TNS3: variants seen among roughly 807,000 people sequenced by gnomAD.
TNS3 encodes tensin 3.
A neutral mutation model predicts 140.9 loss-of-function variants in TNS3; 45 were observed. That is an observed-to-expected ratio of 0.32 (90% CI 0.25 to 0.41). The LOEUF is 0.41. Among genes scored for constraint, TNS3 ranks in the 10% least tolerant of loss-of-function variants. TNS3 has a pLI of 1.00. For synonymous variants in TNS3, 815 were observed against 788.4 expected, an observed-to-expected ratio of 1.03 and a Z score of -0.56; for missense variants, 1,716 against 1,906.7, an observed-to-expected ratio of 0.90 and a Z score of 1.86.
intron 1 of TNS3, chr7:47,579,982 T>C (rs1784489117): frequency 1.5e-5 from 4 of 265,462 alleles, no homozygotes; most frequent in Non-Finnish European, 2.3e-5. Flanking sequence ...TTCAAAACAT[T>C]AGGTGCCAAA....
At chr7:47,488,065 T>C (rs1797676703) in intron 3 of TNS3, among the ~76,000 whole-genome samples, 1 of 152,036 alleles carries the variant, frequency 6.6e-6, no homozygotes, top group Non-Finnish European at 1.5e-5. Flanking sequence ...GCAAGGAGGG[T>C]GGAGCTTTTA....
rs191968848 is a variant in TNS3 at position 47,366,321 on chromosome 7, G to A, written c.2281+2044C>T. On this transcript the variant is annotated intron_variant, in intron 17 of 30. Coordinates refer to ENST00000311160, the MANE Select transcript of TNS3 (RefSeq NM_022748.12). ...AATCTACTCATGGGGGACTCTCCAGGCTCCTTCCAACTCCCAGCACATGAC... is the reference window on the plus strand; with the variant it reads ...AATCTACTCATGGGGGACTCTCCAGACTCCTTCCAACTCCCAGCACATGAC... 1.7e-3 allele frequency among the ~76,000 whole-genome samples: 257 copies of A among 152,246 alleles called. 1 individual carries two copies. Among genetic ancestry groups the A allele is most frequent in the African/African-American group, 5.9e-3 (247 of 41,546 alleles).
intron 4 of TNS3, among the ~76,000 whole-genome samples, chr7:47,470,239 T>C (rs1178218430): frequency 6.6e-5 from 10 of 152,184 alleles, no homozygotes; most frequent in South Asian, 2.1e-4. Context: ...GGGACGTGAA[T>C]TGAAAAACCA....
chr7:47,460,388 G>C (rs374696129), intron 4 of TNS3, among the ~76,000 whole-genome samples: 10 of 152,308 alleles, frequency 6.6e-5, no homozygotes, highest in African/African-American at 2.4e-4. Context: ...CCAGGACTGA[G>C]GGTGATAACC....
chr7:47,368,684 A>C lies in TNS3; in HGVS notation c.1962T>G (p.Pro654=), dbSNP rs893050306. 2 of 1,594,622 alleles carry C rather than the reference A, an allele frequency of 1.3e-6. No homozygotes were observed. The highest frequency in any genetic ancestry group is 1.7e-5 in the Admixed American group (1 of 58,442). The part of the protein sequence containing the change: ...QRGVGSGPHP[P]DTQQPSPSKA... Reference sequence around the variant, plus strand: ...TGCTGGGAGAGGGCTGCTGTGTGTCAGGGGGATGTGGCCCACTGCCTACAC... The same window carrying C: ...TGCTGGGAGAGGGCTGCTGTGTGTCCGGGGGATGTGGCCCACTGCCTACAC... Residue 654 remains proline, a synonymous_variant, in exon 17 of 31, where the codon CCT becomes CCG. Coordinates refer to ENST00000311160, the MANE Select transcript of TNS3 (RefSeq NM_022748.12).
At chr7:47,524,658 C>T (rs1320308716) in intron 2 of TNS3, among the ~76,000 whole-genome samples, 1 of 149,032 alleles carries the variant, frequency 6.7e-6, no homozygotes, top group Non-Finnish European at 1.5e-5. Flanking sequence ...AAAAATTAGC[C>T]GGGCGCGGTG....
intron 20 of TNS3, among the ~76,000 whole-genome samples, chr7:47,320,824 G>C (rs547497302): frequency 6.6e-6 from 1 of 152,314 alleles, no homozygotes; most frequent in African/African-American, 2.4e-5. Flanking sequence ...GTGTGGTTTG[G>C]GGAGATGCAG....
At chr7:47,491,318 T>G (rs1797807238) in intron 3 of TNS3, among the ~76,000 whole-genome samples, 1 of 152,236 alleles carries the variant, frequency 6.6e-6, no homozygotes, top group East Asian at 1.9e-4. Flanking sequence ...AAAAGCTCTG[T>G]CTTTGCATCC....
chr7:47,401,437 G>A (rs566600495), intron 13 of TNS3, among the ~76,000 whole-genome samples: 1 of 152,344 alleles, frequency 6.6e-6, no homozygotes, highest in African/African-American at 2.4e-5. Flanking sequence ...TGTGCATGCT[G>A]TAATTTAGAG....
chr7:47,520,481 C>A (rs747336105), intron 2 of TNS3, among the ~76,000 whole-genome samples: 1 of 152,202 alleles, frequency 6.6e-6, no homozygotes, highest in Non-Finnish European at 1.5e-5. Flanking sequence ...ACGTCCCTGG[C>A]ATGCAGAAAC....
At chr7:47,492,660 C>A (rs538440746) in intron 3 of TNS3, among the ~76,000 whole-genome samples, 2 of 152,374 alleles carry the variant, frequency 1.3e-5, no homozygotes, top group South Asian at 4.1e-4. Flanking sequence ...TGACCCTCTG[C>A]TCCTGTGATT....
chr7:47,519,902 C>T (rs1798911107), intron 2 of TNS3, among the ~76,000 whole-genome samples: 1 of 138,894 alleles, frequency 7.2e-6, no homozygotes, highest in Admixed American at 8.1e-5. Flanking sequence ...CGGCTCACTG[C>T]AAGCTCCGCC....
intron 4 of TNS3, among the ~76,000 whole-genome samples, chr7:47,478,060 C>T (rs951461226): frequency 1.3e-5 from 2 of 152,196 alleles, no homozygotes; most frequent in African/African-American, 4.8e-5. Flanking sequence ...CCTCTCATGA[C>T]CCCACACCAC....
intron 20 of TNS3, among the ~76,000 whole-genome samples, chr7:47,337,466 A>T (rs1584429145): frequency 6.6e-6 from 1 of 152,366 alleles, no homozygotes. Context: ...AAGAAGCCAG[A>T]ACCTAATTTA....
rs551468671 is a variant in TNS3, at chr7:47,294,568, C to T, written c.3677-740G>A. On this transcript the variant is annotated intron_variant, in intron 24 of 30. Coordinates refer to ENST00000311160, the MANE Select transcript of TNS3 (RefSeq NM_022748.12). Reference sequence around the variant, plus strand: ...TATTTCTGGGATCCAGTGCTTCCTTCATCACCCTCCATTGGGGCATGTCTG... The same window carrying T: ...TATTTCTGGGATCCAGTGCTTCCTTTATCACCCTCCATTGGGGCATGTCTG... 2.0e-5 allele frequency among the ~76,000 whole-genome samples: 3 copies of T among 152,342 alleles called. No individual in the cohort carries two copies. The South Asian group carries it at 6.2e-4, about 32-fold the overall frequency.
intron 1 of TNS3, among the ~76,000 whole-genome samples, chr7:47,549,483 A>G (rs1212116071): frequency 1.3e-5 from 2 of 151,898 alleles, no homozygotes; most frequent in African/African-American, 2.4e-5. Flanking sequence ...AACAGAGGGA[A>G]ACTCCATCTC....
intron 4 of TNS3, among the ~76,000 whole-genome samples, chr7:47,459,271 A>AG (rs1796386065): frequency 6.6e-6 from 1 of 152,214 alleles, no homozygotes; most frequent in Non-Finnish European, 1.5e-5. Flanking sequence ...CCACATCACT[A>AG]GGACTTCCTC....
In TNS3 at chr7:47,580,922, GA is replaced by G. The variant is rs369702840; in HGVS notation, c.-265+1128del. 2.4e-4 allele frequency among the ~76,000 whole-genome samples: 36 copies of G among 152,094 alleles called. 1 individual carries two copies. The South Asian group carries it at 6.2e-3, about 26-fold the overall frequency. On this transcript the variant is annotated intron_variant, in intron 1 of 30. Transcript: ENST00000311160. Reference sequence around the variant, plus strand: ...CTCCATGATCATGCATTCAAATAGTGAAAAAAATGGGGGGAAAGCCAACCCG... The same window carrying G: ...CTCCATGATCATGCATTCAAATAGTGAAAAAATGGGGGGAAAGCCAACCCG...
Position 47,277,810 on chromosome 7 carries a change from G to A in TNS3, c.*266C>T. ...TGTCCCTTTCCCATGGGGACCCTAG[G>A]GGGTGGGGTGCACCCATGCCCAGCT... On this transcript the variant is annotated 3_prime_UTR_variant, in exon 31 of 31. Coordinates refer to ENST00000311160, the MANE Select transcript of TNS3 (RefSeq NM_022748.12). The A allele has an allele frequency of 1.9e-6, 1 of 527,826 alleles. No individual in the cohort carries two copies. Among genetic ancestry groups the A allele is most frequent in the Non-Finnish European group, 3.5e-6 (1 of 288,444 alleles). The allele number at this position is 527,826 out of a possible 1,614,324, so 32.7% of individuals were successfully genotyped here.
Sources: allele counts gnomAD v4.1 joint callset (sites outside exome capture counted in the v4.1 genomes callset), GRCh38; gene constraint gnomAD v4.1.1; transcripts MANE v1.5; gene names NCBI Gene and HGNC (gene_info 2026-07-23, HGNC 2026-07-21).